The following KIF17 variants were observed in gnomAD, a reference collection of about 807,000 sequenced individuals.
KIF17 encodes kinesin family member 17.
KIF17 carries 80 observed loss-of-function variants against 96.8 expected under a neutral mutation model. That is an observed-to-expected ratio of 0.83 (90% CI 0.69 to 1.00). KIF17 has a LOEUF of 1.00. KIF17 is among the 50% of genes least tolerant of loss of function. The pLI, the probability that KIF17 is intolerant of heterozygous loss-of-function variation, is 0.00. For missense variants in KIF17, 1,280 were observed against 1,372.9 expected, an observed-to-expected ratio of 0.93 and a Z score of 1.07; for synonymous variants, 567 against 587.5, an observed-to-expected ratio of 0.97 and a Z score of 0.51.
rs1282683938 is a variant in KIF17, at chr1:20,709,800, T to A, written c.509A>T (p.Tyr170Phe). ...ELKEHPEKGV[Y>F]VKGLSMHTVH... ...CGTGTGCATGGACAGCCCCTTCACG[T>A]ACACGCCCTTCTCTGGGTGCTCCTT... The change falls in exon 4 of 15, where the codon TAC (tyrosine) becomes TTC (phenylalanine). Residue 170 changes from tyrosine (Y) to phenylalanine (F), a missense_variant. By Grantham distance (22) the Tyr-to-Phe change is conservative. Transcript: ENST00000400463. The surrounding 1 kb of genome is among the most constrained non-coding windows in gnomAD (Gnocchi z 4.7). 6 of 1,613,206 alleles carry A rather than the reference T, an allele frequency of 3.7e-6. No homozygotes were observed. The highest frequency in any genetic ancestry group is 4.2e-6 in the Non-Finnish European group (5 of 1,179,668).
chr1:20,690,417 A>G, intron 6 of KIF17, 82 bp from the exon 7 acceptor site: 2 of 1,330,674 alleles, frequency 1.5e-6, no homozygotes, highest in African/African-American at 1.5e-5. Flanking sequence ...CTTTTTGGTT[A>G]TTCAAACAAT....
At chr1:20,703,925 C>T (rs67524894) in intron 5 of KIF17, among the ~76,000 whole-genome samples, 15,368 of 124,024 alleles carry the variant, frequency 0.12, 970 homozygotes, top group Non-Finnish European at 0.17. Context: ...AGCGAGACTC[C>T]GTCTCAAAAA....
chr1:20,698,626 A>G lies in KIF17; in HGVS notation c.1124-138T>C, dbSNP rs2054183754. On this transcript the variant is annotated intron_variant, in intron 5 of 14. Transcript: ENST00000400463. The stretch of plus-strand genomic sequence containing the variant: ...TTCAGCTTATTTCAAACACATCTCC[A>G]TGTAAAAGGCTGTTAGTCATCCAAC... The G allele has an allele frequency of 9.5e-6, 6 of 628,836 alleles. 1 individual carries two copies. Among genetic ancestry groups the G allele is most frequent in the South Asian group, 9.0e-5 (5 of 55,744 alleles). The allele number at this position is 628,836 out of a possible 1,614,324, so 39.0% of individuals were successfully genotyped here. A position where few individuals can be genotyped will look rare whatever the true frequency, so the allele number is the denominator to read the frequency against.
At chr1:20,663,082 G>C (rs2053465784), downstream of KIF17, among the ~76,000 whole-genome samples, 1 of 152,066 alleles carries the variant, frequency 6.6e-6, no homozygotes. Context: ...AATTTAGCCG[G>C]GCGTGGTGGT....
chr1:20,703,180 T>TGGATGAAC lies in KIF17; in HGVS notation c.1123+1266_1123+1267insGTTCATCC, dbSNP rs372148537. 1.1e-4 allele frequency among the ~76,000 whole-genome samples: 17 copies of TGGATGAAC among 149,992 alleles called. 1 individual carries two copies. The highest frequency in any genetic ancestry group is 4.7e-4 in the Admixed American group (7 of 15,030). ...GGAAGGATGGAGATGGATGGATGAA[T>TGGATGAAC]GGATGGACGGATGGATGGGAGATGG... On this transcript the variant is annotated intron_variant, in intron 5 of 14. Coordinates refer to ENST00000400463, the MANE Select transcript of KIF17 (RefSeq NM_001122819.3).
chr1:20,695,689 C>T (rs2054125626), intron 6 of KIF17, among the ~76,000 whole-genome samples: 1 of 152,116 alleles, frequency 6.6e-6, no homozygotes, highest in African/African-American at 2.4e-5. Flanking sequence ...TACCCGGAAG[C>T]TCCACCTCCT....
At chr1:20,692,227 TG>T (rs1257648443) in intron 6 of KIF17, among the ~76,000 whole-genome samples, 1 of 152,188 alleles carries the variant, frequency 6.6e-6, no homozygotes, top group Non-Finnish European at 1.5e-5. Flanking sequence ...CCCTGCTCCC[TG>T]GCAAGCACCT....
chr1:20,664,835 G>C, intron 14 of KIF17, 73 bp from the exon 15 acceptor site: 1 of 1,412,356 alleles, frequency 7.1e-7, no homozygotes, highest in South Asian at 1.2e-5. Flanking sequence ...CAAGTGGGTA[G>C]GATGGAGAGC....
At chr1:20,662,767 C>T (rs1264284393), downstream of KIF17, among the ~76,000 whole-genome samples, 1 of 152,208 alleles carries the variant, frequency 6.6e-6, no homozygotes, top group Non-Finnish European at 1.5e-5. Context: ...ATGGCCCAGC[C>T]TTTAACACCC....
At chr1:20,692,012 C>G in intron 6 of KIF17, among the ~76,000 whole-genome samples, 1 of 152,302 alleles carries the variant, frequency 6.6e-6, no homozygotes, top group African/African-American at 2.4e-5. Flanking sequence ...TGGCCCCAAC[C>G]TCTCTCTGAC....
chr1:20,698,975 G>C (rs1169982000), intron 5 of KIF17, among the ~76,000 whole-genome samples: 2 of 152,038 alleles, frequency 1.3e-5, no homozygotes, highest in Non-Finnish European at 1.5e-5. Context: ...ATCGAGACAG[G>C]GTCTTGCTCT....
intron 5 of KIF17, among the ~76,000 whole-genome samples, chr1:20,702,703 A>G (rs1000014120): frequency 1.3e-5 from 2 of 152,160 alleles, no homozygotes; most frequent in Non-Finnish European, 2.9e-5. Flanking sequence ...CTAACAGGGA[A>G]ATTTCTCCTC....
chr1:20,691,668 C>T (rs1238579939), intron 6 of KIF17, among the ~76,000 whole-genome samples: 3 of 143,578 alleles, frequency 2.1e-5, no homozygotes, highest in Non-Finnish European at 1.5e-5. Flanking sequence ...GGAGTTTCAC[C>T]ATGTTGGCTA....
At chr1:20,682,599 G>A in intron 11 of KIF17, 54 bp downstream of exon 11, 2 of 1,507,634 alleles carry the variant, frequency 1.3e-6, no homozygotes, top group Non-Finnish European at 1.8e-6. Flanking sequence ...CTGGATCGGG[G>A]GGTCTCACCC....
chr1:20,666,192 GGGACA>G lies in KIF17; in HGVS notation c.2908+17_2908+21del. The G allele has an allele frequency of 6.5e-7, 1 of 1,545,642 alleles. No individual in the cohort carries two copies. Among genetic ancestry groups the G allele is most frequent in the Non-Finnish European group, 8.9e-7 (1 of 1,117,586 alleles). ...CTCTCCCAGTTGTGTGGAGAGGGTG[GGGACA>G]GGGGAGGGACACTCACTGAGGCTCT... On this transcript the variant is annotated intron_variant, in intron 14 of 14. Transcript: ENST00000400463.
chr1:20,667,309 G>C (rs113781033), intron 13 of KIF17, among the ~76,000 whole-genome samples: 1,606 of 152,216 alleles, frequency 0.011, 20 homozygotes, highest in African/African-American at 0.036. Flanking sequence ...CCAGGTTGTG[G>C]TTCTTATGAG....
chr1:20,699,899 C>T lies in KIF17; in HGVS notation c.1124-1411G>A, dbSNP rs553150677. ...GGCTGTGACTCTGGGTTGAACGAGG[C>T]AGGTGTGCACAGGGCAGTCACAGGC... On this transcript the variant is annotated intron_variant, in intron 5 of 14. Transcript: ENST00000400463. This position sits in a 1 kb window ranked among gnomAD's most constrained non-coding sequence, Gnocchi z 4.3. Among the ~76,000 whole-genome samples, 4 of 152,244 alleles carry T rather than the reference C, an allele frequency of 2.6e-5. No individual in the cohort carries two copies. Among genetic ancestry groups the T allele is most frequent in the African/African-American group, 7.2e-5 (3 of 41,560 alleles).
intron 13 of KIF17, among the ~76,000 whole-genome samples, 162 bp from the exon 14 acceptor site, chr1:20,666,493 G>A (rs973872140): frequency 2.6e-5 from 4 of 152,192 alleles, no homozygotes; most frequent in East Asian, 3.9e-4. Context: ...ACCCTACACC[G>A]TAGATCCTGG....
chr1:20,712,361 T>C lies in KIF17; in HGVS notation c.480+1093A>G, dbSNP rs1262730855. Among the ~76,000 whole-genome samples the C allele has an allele frequency of 6.0e-5, 9 of 151,146 alleles. No individual in the cohort carries two copies. In the East Asian group the frequency reaches 1.8e-3, roughly 29 times the overall value. On this transcript the variant is annotated intron_variant, in intron 3 of 14. Transcript: ENST00000400463. ...AGCTGCACTAGGAGAGGGAACGCAGTAGAAAAACTCTAGGTGGGAGGCTGG... is the reference window on the plus strand; with the variant it reads ...AGCTGCACTAGGAGAGGGAACGCAGCAGAAAAACTCTAGGTGGGAGGCTGG...
Sources: gnomAD v4.1 joint callset for allele counts (sites outside exome capture counted in the v4.1 genomes callset) on GRCh38, gnomAD v4.1.1 for gene constraint, Gnocchi (gnomAD v3.1) non-coding constraint, MANE v1.5 for transcripts, NCBI Gene and HGNC (gene_info 2026-07-23, HGNC 2026-07-21) for gene names.